Variants in ACTR10 observed in about 807,000 individuals in gnomAD.
The protein encoded by ACTR10 is actin-related protein 10.
ACTR10 carries 43 observed loss-of-function variants against 56.2 expected under a neutral mutation model. That is an observed-to-expected ratio of 0.77 (90% CI 0.60 to 0.99). The LOEUF (loss-of-function observed/expected upper bound fraction) is 0.99. ACTR10 is among the 50% of genes least tolerant of loss of function. The pLI, the probability that ACTR10 is intolerant of heterozygous loss-of-function variation, is 0.00. For synonymous variants in ACTR10, 170 were observed against 176.3 expected, an observed-to-expected ratio of 0.96 and a Z score of 0.28; for missense variants, 466 against 507.8, an observed-to-expected ratio of 0.92 and a Z score of 0.79.
intron 6 of ACTR10, 48 bp downstream of exon 6, chr14:58,213,746 A>G (rs775770664): frequency 1.4e-6 from 2 of 1,446,120 alleles, no homozygotes; most frequent in South Asian, 2.3e-5. Flanking sequence ...TGCCACAAAA[A>G]CAGTTGCTAA....
chr14:58,235,280 T>C lies in ACTR10; in HGVS notation c.*729T>C, dbSNP rs557805845. On this transcript the variant is annotated 3_prime_UTR_variant, in exon 13 of 13. Transcript: ENST00000254286. ...AACATGGGTCCATTTAAAAAAAATA[T>C]TTATTTTGGTACTTGGGTGTCCATA... is the stretch of plus-strand genomic sequence containing the variant. 3.9e-5 allele frequency: 6 copies of C among 152,192 alleles called. No homozygotes were observed. Among genetic ancestry groups the C allele is most frequent in the South Asian group, 2.1e-4 (1 of 4,830 alleles). 9.4% of individuals were successfully genotyped at this position (152,192 alleles called of 1,614,324 possible). A position where few individuals can be genotyped will look rare whatever the true frequency, so the allele number is the denominator to read the frequency against.
intron 12 of ACTR10, among the ~76,000 whole-genome samples, chr14:58,232,986 T>A (rs771032145): frequency 4.0e-5 from 6 of 151,456 alleles, no homozygotes; most frequent in Non-Finnish European, 8.8e-5. Flanking sequence ...TCCTCCTGCC[T>A]CAGCCTCCCT....
At chr14:58,221,867 A>C (rs1889280357) in intron 8 of ACTR10, among the ~76,000 whole-genome samples, 1 of 152,148 alleles carries the variant, frequency 6.6e-6, no homozygotes, top group African/African-American at 2.4e-5. Flanking sequence ...GCAGTGGGCT[A>C]AGATTGCGCC....
At chr14:58,207,862 A>C in intron 2 of ACTR10, 74 bp from the exon 3 acceptor site, 1 of 899,128 alleles carries the variant, frequency 1.1e-6, no homozygotes, top group Non-Finnish European at 1.5e-6. Context: ...TGTATTAGTA[A>C]ATAATTACAT....
intron 10 of ACTR10, among the ~76,000 whole-genome samples, chr14:58,225,132 A>G (rs995758363): frequency 1.3e-5 from 2 of 152,210 alleles, no homozygotes; most frequent in Admixed American, 1.3e-4. Flanking sequence ...AACTATATGC[A>G]AAAACAGGTG....
chr14:58,223,723 G>T (rs543481336), intron 9 of ACTR10, 22 bp downstream of exon 9: 1 of 1,580,272 alleles, frequency 6.3e-7, no homozygotes, highest in African/African-American at 1.4e-5. Flanking sequence ...AAAAAAAAAG[G>T]CATCTTTTTG....
chr14:58,211,215 T>C, intron 4 of ACTR10, 77 bp from the exon 5 acceptor site: 1 of 1,070,668 alleles, frequency 9.3e-7, no homozygotes, highest in South Asian at 1.4e-5. Context: ...TTTTCAAATA[T>C]ATTTGGATAT....
chr14:58,215,781 T>TTA (rs1889119330), intron 7 of ACTR10, among the ~76,000 whole-genome samples: 2 of 152,118 alleles, frequency 1.3e-5, no homozygotes, highest in African/African-American at 4.8e-5. Context: ...TTCCAACTGA[T>TTA]TATTAGAGAC....
At position 58,209,090 on chromosome 14, in the gene ACTR10, C is replaced by T; in HGVS notation, c.325C>T (p.Leu109Phe). Residue 109 changes from leucine to phenylalanine, a missense_variant, in exon 4 of 13, where the codon CTT (leucine) becomes TTT (phenylalanine). By Grantham distance (22) the Leu-to-Phe change is conservative. Coordinates refer to ENST00000254286, the MANE Select transcript of ACTR10 (RefSeq NM_018477.3). ...SHFRETLTRV[L>F]FKYFEVPSVL... is the part of the protein sequence containing the mutation. The stretch of plus-strand genomic sequence containing the variant: ...CTTCAGAGAGACACTCACTCGTGTT[C>T]TTTTCAAATATTTTGAGGTACCTGT... 1 of 1,588,998 alleles carries T rather than the reference C, an allele frequency of 6.3e-7. No individual in the cohort carries two copies. Among genetic ancestry groups the T allele is most frequent in the Non-Finnish European group, 8.6e-7 (1 of 1,166,988 alleles).
At chr14:58,204,684 A>G (rs1888813522) in intron 2 of ACTR10, among the ~76,000 whole-genome samples, 1 of 152,212 alleles carries the variant, frequency 6.6e-6, no homozygotes. Context: ...ATGCAACCCA[A>G]CAGAGTCATG....
chr14:58,226,681 A>G (rs922560813), intron 10 of ACTR10, among the ~76,000 whole-genome samples: 19 of 150,986 alleles, frequency 1.3e-4, no homozygotes, highest in Admixed American at 1.1e-3. Flanking sequence ...GCTCACCACA[A>G]CCCCCACCTC....
At chr14:58,225,708 A>G (rs531167385) in intron 10 of ACTR10, among the ~76,000 whole-genome samples, 35 of 149,540 alleles carry the variant, frequency 2.3e-4, no homozygotes, top group African/African-American at 8.3e-4. Flanking sequence ...GGTAGTTCAC[A>G]CTTCTTTTTT....
chr14:58,221,650 T>C (rs1348969842), intron 8 of ACTR10, among the ~76,000 whole-genome samples: 2 of 151,998 alleles, frequency 1.3e-5, no homozygotes, highest in Non-Finnish European at 1.5e-5. Context: ...TTCATTGTAT[T>C]GTGTGATCTT....
chr14:58,215,247 A>G lies in ACTR10; in HGVS notation c.561A>G (p.Thr187=), dbSNP rs754414214. Residue 187 remains threonine, a synonymous_variant, in exon 7 of 13, where the codon ACA becomes ACG. Transcript: ENST00000254286. ...TQLLEQCTVD[T]SVAKEQSLPS... ...TATTGGAACAATGTACTGTTGACAC[A>G]AGTGTTGCTAAAGAACAGAGCCTTC... 2 of 1,611,874 alleles carry G rather than the reference A, an allele frequency of 1.2e-6. No individual in the cohort carries two copies. The highest frequency in any genetic ancestry group is 3.3e-5 in the Admixed American group (2 of 59,812).
chr14:58,204,907 A>G (rs1408124198), intron 2 of ACTR10, among the ~76,000 whole-genome samples: 1 of 152,140 alleles, frequency 6.6e-6, no homozygotes, highest in Non-Finnish European at 1.5e-5. Flanking sequence ...TTTTTTAGCA[A>G]TCGCATATAA....
chr14:58,205,368 G>A (rs2140042538), intron 2 of ACTR10, among the ~76,000 whole-genome samples: 1 of 142,396 alleles, frequency 7.0e-6, no homozygotes, highest in Non-Finnish European at 1.5e-5. Context: ...AGGCTGGAGT[G>A]CAGTAGCATG....
chr14:58,211,637 C>T (rs891232399), intron 5 of ACTR10, among the ~76,000 whole-genome samples: 7 of 152,012 alleles, frequency 4.6e-5, no homozygotes, highest in African/African-American at 1.2e-4. Flanking sequence ...ATATTATGTT[C>T]AGTTTTTAAA....
intron 8 of ACTR10, among the ~76,000 whole-genome samples, 171 bp downstream of exon 8, chr14:58,219,900 C>A (rs544675732): frequency 6.6e-6 from 1 of 152,106 alleles, no homozygotes; most frequent in Admixed American, 6.6e-5. Context: ...TTTTTTCACA[C>A]TTAGGGAAGC....
intron 10 of ACTR10, among the ~76,000 whole-genome samples, chr14:58,226,108 T>G (rs1004252128): frequency 2.6e-5 from 4 of 151,852 alleles, no homozygotes; most frequent in African/African-American, 9.7e-5. Context: ...AAAAAAAAAT[T>G]TTTTTTTAAT....
Sources: gnomAD v4.1 joint callset for allele counts (sites outside exome capture counted in the v4.1 genomes callset) on GRCh38, gnomAD v4.1.1 for gene constraint, MANE v1.5 for transcripts, NCBI Gene and HGNC (gene_info 2026-07-23, HGNC 2026-07-21) for gene names.